Variants in CNTN5 observed in about 807,000 individuals in gnomAD.
CNTN5 encodes contactin 5.
Under a neutral mutation model 129.1 loss-of-function variants are expected in CNTN5, and 77 were observed. The observed-to-expected ratio is 0.60, with a 90% CI of 0.50 to 0.72. The LOEUF (loss-of-function observed/expected upper bound fraction) is 0.72, where lower values mean the gene tolerates loss of function less well. Ranked by LOEUF, CNTN5 falls within the 30% of genes least tolerant of loss-of-function variation. The pLI, the probability that CNTN5 is intolerant of heterozygous loss-of-function variation, is 0.00. For missense variants in CNTN5, 1,478 were observed against 1,328.8 expected (o/e 1.11, Z -1.75); for synonymous variants, 509 against 465.6 (o/e 1.09, Z -1.20).
At chr11:99,107,002 C>A (rs1867027546) in intron 1 of CNTN5, among the ~76,000 whole-genome samples, 1 of 152,060 alleles carries the variant, frequency 6.6e-6, no homozygotes, top group Non-Finnish European at 1.5e-5. Flanking sequence ...TCATAAAACT[C>A]AACTGAAGAA....
intron 3 of CNTN5, among the ~76,000 whole-genome samples, chr11:99,566,679 G>A (rs1489650887): frequency 6.6e-6 from 1 of 152,168 alleles, no homozygotes; most frequent in Admixed American, 6.5e-5. Context: ...ATATGAGTCT[G>A]ACTATTTCCT....
chr11:100,185,703 A>G (rs1288406291), intron 13 of CNTN5, among the ~76,000 whole-genome samples: 1 of 152,144 alleles, frequency 6.6e-6, no homozygotes, highest in Admixed American at 6.5e-5. Flanking sequence ...GTTCATAAGT[A>G]TAGGCTCCCA....
At chr11:100,173,055 A>C (rs777882237) in intron 13 of CNTN5, among the ~76,000 whole-genome samples, 4 of 152,068 alleles carry the variant, frequency 2.6e-5, no homozygotes, top group African/African-American at 4.8e-5. Flanking sequence ...AATTAAGCCT[A>C]AGGTGGGAAC....
At chr11:99,403,396 A>G (rs1277396676) in intron 2 of CNTN5, among the ~76,000 whole-genome samples, 3 of 151,530 alleles carry the variant, frequency 2.0e-5, no homozygotes, top group Non-Finnish European at 4.4e-5. Context: ...TTCTTCTACA[A>G]ATTTTGGGTG....
At chr11:99,331,868 A>G (rs1866014171) in intron 2 of CNTN5, among the ~76,000 whole-genome samples, 1 of 152,130 alleles carries the variant, frequency 6.6e-6, no homozygotes, top group Non-Finnish European at 1.5e-5. Flanking sequence ...ACCAGCTGTG[A>G]GGTCAGGCCT....
intron 1 of CNTN5, among the ~76,000 whole-genome samples, chr11:99,194,431 G>T (rs1858799983): frequency 6.6e-6 from 1 of 151,900 alleles, no homozygotes; most frequent in Admixed American, 6.6e-5. Context: ...TAACAAAAAA[G>T]AAAACAATGA....
Position 99,766,307 on chromosome 11 carries a change from T to C in CNTN5, c.56-53237T>C, listed in dbSNP as rs192741224. Among the ~76,000 whole-genome samples, 6 of 152,106 alleles carry C rather than the reference T, an allele frequency of 3.9e-5. No homozygotes were observed. The East Asian group carries it at 9.7e-4, about 25-fold the overall frequency. On this transcript the variant is annotated intron_variant, in intron 3 of 24. Transcript: ENST00000524871. ...AGCACAGAGAAGACATTCAGAAATATATTTTGAATGAATGAACAATTCCAT... is the reference window on the plus strand; with the variant it reads ...AGCACAGAGAAGACATTCAGAAATACATTTTGAATGAATGAACAATTCCAT...
intron 3 of CNTN5, among the ~76,000 whole-genome samples, chr11:99,815,273 G>A (rs958029219): frequency 2.0e-5 from 3 of 152,114 alleles, no homozygotes; most frequent in African/African-American, 7.2e-5. Context: ...TCACAAAGTT[G>A]AGCGTTAGAT....
At chr11:99,174,919 T>C (rs549018828) in intron 1 of CNTN5, among the ~76,000 whole-genome samples, 1 of 152,296 alleles carries the variant, frequency 6.6e-6, no homozygotes, top group Admixed American at 6.5e-5. Flanking sequence ...ATATAGTTAT[T>C]AGCTCTAATG....
intron 2 of CNTN5, among the ~76,000 whole-genome samples, chr11:99,479,690 G>A (rs1945514579): frequency 1.3e-5 from 2 of 151,972 alleles, no homozygotes; most frequent in South Asian, 2.1e-4. Flanking sequence ...TTTAAGTGAT[G>A]GAACAGGCTC....
intron 6 of CNTN5, among the ~76,000 whole-genome samples, chr11:99,901,216 T>C (rs1949347800): frequency 6.6e-6 from 1 of 152,186 alleles, no homozygotes; most frequent in African/African-American, 2.4e-5. Flanking sequence ...CAATACTTTT[T>C]AAATGTTTTG....
chr11:99,187,633 T>G (rs1230502164), intron 1 of CNTN5, among the ~76,000 whole-genome samples: 1 of 151,846 alleles, frequency 6.6e-6, no homozygotes, highest in Non-Finnish European at 1.5e-5. Context: ...TGGTTTCAAA[T>G]GAACTTATCC....
At chr11:100,145,897 CA>C (rs1482580869) in intron 13 of CNTN5, among the ~76,000 whole-genome samples, 2 of 152,118 alleles carry the variant, frequency 1.3e-5, no homozygotes, top group African/African-American at 4.8e-5. Flanking sequence ...CAAATCACTC[CA>C]TTAATAGCCG....
At chr11:99,721,633 G>A (rs189709238) in intron 3 of CNTN5, among the ~76,000 whole-genome samples, 12 of 152,124 alleles carry the variant, frequency 7.9e-5, no homozygotes, top group South Asian at 2.1e-4. Flanking sequence ...ATTGACAAGC[G>A]GGATCTACTT....
intron 2 of CNTN5, among the ~76,000 whole-genome samples, chr11:99,343,298 T>G (rs1323925003): frequency 1.3e-5 from 2 of 152,174 alleles, no homozygotes. Context: ...TGGATTAGAA[T>G]AGGTATGTGT....
intron 2 of CNTN5, among the ~76,000 whole-genome samples, chr11:99,431,925 G>A (rs910058247): frequency 2.0e-5 from 3 of 152,096 alleles, no homozygotes; most frequent in African/African-American, 7.2e-5. Context: ...ACAGGGGCTG[G>A]AGGGTCAAGA....
At chr11:99,597,253 G>C (rs1950154455) in intron 3 of CNTN5, among the ~76,000 whole-genome samples, 1 of 152,136 alleles carries the variant, frequency 6.6e-6, no homozygotes, top group Non-Finnish European at 1.5e-5. Flanking sequence ...TCTTGGTTCT[G>C]AAGCCTCAGC....
chr11:99,457,169 A>T (rs1944526590), intron 2 of CNTN5, among the ~76,000 whole-genome samples: 1 of 152,002 alleles, frequency 6.6e-6, no homozygotes. Flanking sequence ...TTATTCCACC[A>T]ATTTGAAAAT....
intron 2 of CNTN5, among the ~76,000 whole-genome samples, chr11:99,523,248 A>G (rs2135444814): frequency 6.6e-6 from 1 of 152,236 alleles, no homozygotes; most frequent in Non-Finnish European, 1.5e-5. Context: ...TATTGCTCTT[A>G]TCACACTGTA....
Sources: gnomAD v4.1 joint callset for allele counts (sites outside exome capture counted in the v4.1 genomes callset) on GRCh38, gnomAD v4.1.1 for gene constraint, MANE v1.5 for transcripts, NCBI Gene and HGNC (gene_info 2026-07-23, HGNC 2026-07-21) for gene names.